The following ANKRD26 variants were observed in gnomAD, a reference collection of about 807,000 sequenced individuals.
The protein encoded by ANKRD26 is ankyrin repeat domain 26, also known as ankyrin repeat domain-containing protein 26.
Under a neutral mutation model 208.7 loss-of-function variants are expected in ANKRD26, and 141 were observed. The ratio of observed to expected loss-of-function variants is 0.68; its 90% CI spans 0.59 to 0.78. ANKRD26 has a LOEUF of 0.78. Among genes scored for constraint, ANKRD26 ranks in the 30% least tolerant of loss-of-function variants. The pLI is 0.00. For missense variants in ANKRD26, 1,889 were observed against 1,938.7 expected (o/e 0.97, Z 0.48); for synonymous variants, 636 against 660.4 (o/e 0.96, Z 0.57).
the ANKRD26 span, among the ~76,000 whole-genome samples, chr10:26,950,991 C>CTTTTCTT: frequency 4.9e-5 from 6 of 121,718 alleles, no homozygotes; most frequent in East Asian, 1.9e-3. Flanking sequence ...TGTATTATCC[C>CTTTTCTT]TTTTCTTTTT....
intron 29 of ANKRD26, among the ~76,000 whole-genome samples, chr10:27,021,595 G>A (rs1160212384): frequency 6.6e-6 from 1 of 152,178 alleles, no homozygotes; most frequent in Non-Finnish European, 1.5e-5. Flanking sequence ...CTTCTTATGA[G>A]AAATGTCTGT....
rs759766955 is a variant in ANKRD26, at chr10:27,035,058, GA to G, written c.3391del (p.Ser1131LeufsTer2). 2 of 1,613,430 alleles carry G rather than the reference GA, an allele frequency of 1.2e-6. No individual in the cohort carries two copies. The highest frequency in any genetic ancestry group is 2.7e-5 in the African/African-American group (2 of 74,868). On this transcript the variant is annotated frameshift_variant, in exon 24 of 34. Transcript: ENST00000376087. LOFTEE classifies it high-confidence loss of function. ...KVNKYIGKQE[S>X]VEERLSQLQS... ...TAGTTGAGACAATCTCTCCTCTACA[GA>G]CTCCTGCTTTCCAATGTATTTATTC...
At chr10:27,025,594 A>G (rs1475877616) in intron 27 of ANKRD26, among the ~76,000 whole-genome samples, 1 of 152,134 alleles carries the variant, frequency 6.6e-6, no homozygotes, top group African/African-American at 2.4e-5. Context: ...AAAGTCATCA[A>G]GGCCCTATTT....
At position 27,048,846 on chromosome 10, in the gene ANKRD26, G is replaced by C; in HGVS notation, c.1769C>G (p.Thr590Ser). 6.2e-7 allele frequency: 1 copy of C among 1,613,042 alleles called. No homozygotes were observed. Among genetic ancestry groups the C allele is most frequent in the Non-Finnish European group, 8.5e-7 (1 of 1,179,612 alleles). ...GLIQKRKSGETDHQQFPRKEN... is the reference protein window; with the variant it reads ...GLIQKRKSGESDHQQFPRKEN... ...CTTCCTGGGAAATTGCTGATGATCA[G>C]TTTCTCCACTCTTTCTTTTTTGAAT... Residue 590 changes from threonine (T) to serine (S), a missense_variant, in exon 17 of 34, where the codon ACT becomes AGT. This residue lies in a region of ANKRD26 where 1,272 missense variants were observed against 1,273.8 expected (regional missense o/e 1.00). Transcript: ENST00000376087.
chr10:26,992,201 T>C (rs1053372071), intron 5 of ANKRD26, among the ~76,000 whole-genome samples: 1 of 152,196 alleles, frequency 6.6e-6, no homozygotes, highest in Non-Finnish European at 1.5e-5. Context: ...TTCTTCGCTT[T>C]ATTTTTCTTT....
chr10:27,006,223 A>ACTTCAGGCAG (rs1240353563), intron 33 of ANKRD26, among the ~76,000 whole-genome samples: 1 of 152,236 alleles, frequency 6.6e-6, no homozygotes, highest in Non-Finnish European at 1.5e-5. Context: ...AACATATGCC[A>ACTTCAGGCAG]GACGGAAGGA....
At chr10:27,076,013 TTAA>T (rs750316707) in intron 9 of ANKRD26, among the ~76,000 whole-genome samples, 3 of 152,116 alleles carry the variant, frequency 2.0e-5, no homozygotes, top group Non-Finnish European at 4.4e-5. Context: ...GATTTCGGAG[TTAA>T]TAATAAAATC....
chr10:27,065,859 C>CTTTTTT lies in ANKRD26; in HGVS notation c.1269+622_1269+627dup, dbSNP rs767106612. ...ATAGGCTAACCTGAAATAATTCTTT[C>CTTTTTT]TTTTTTTTTTTTTTTTTTTTTTTTT... On this transcript the variant is annotated intron_variant, in intron 11 of 33. Coordinates refer to ENST00000376087, the MANE Select transcript of ANKRD26 (RefSeq NM_014915.3). Among the ~76,000 whole-genome samples the CTTTTTT allele has an allele frequency of 1.4e-3, 103 of 72,954 alleles. 1 individual carries two copies. The highest frequency in any genetic ancestry group is 2.5e-3 in the African/African-American group (50 of 19,772). 47.9% of individuals were successfully genotyped at this position (72,954 alleles called of 152,430 possible).
chr10:27,086,541 G>T lies in ANKRD26; in HGVS notation c.707C>A (p.Ser236Ter), dbSNP rs1320999528. The change falls in exon 5 of 34, where the codon TCA becomes TAA. Residue 236 changes from serine (S) to a stop codon, truncating the protein, a stop_gained and splice_region_variant. Coordinates refer to ENST00000376087, the MANE Select transcript of ANKRD26 (RefSeq NM_014915.3). LOFTEE classifies it high-confidence loss of function. Reference sequence around the variant, plus strand: ...AAATTCACTATTGGAAGTCTTACCTGAATTACTATTTTGAGAAGAATGTTT... The same window carrying T: ...AAATTCACTATTGGAAGTCTTACCTTAATTACTATTTTGAGAAGAATGTTT... ...IPKHSSQNSN[S>*]VDESSEDSLS... The T allele has an allele frequency of 6.2e-7, 1 of 1,605,414 alleles. No homozygotes were observed. The highest frequency in any genetic ancestry group is 1.3e-5 in the African/African-American group (1 of 74,704).
rs370413541 is a variant in ANKRD26 at position 27,048,825 on chromosome 10, C to T, written c.1790G>A (p.Arg597Lys). 6.2e-7 allele frequency: 1 copy of T among 1,612,982 alleles called. No homozygotes were observed. The highest frequency in any genetic ancestry group is 1.7e-5 in the Admixed American group (1 of 59,952). ...SGETDHQQFP[R>K]KENKEYASSG... ...CCTAGCATACTCTTTATTTTCCTTCCTGGGAAATTGCTGATGATCAGTTTC... is the reference window on the plus strand; with the variant it reads ...CCTAGCATACTCTTTATTTTCCTTCTTGGGAAATTGCTGATGATCAGTTTC... The change falls in exon 17 of 34, where the codon AGG becomes AAG. Residue 597 changes from arginine (R) to lysine (K), a missense_variant. Physicochemically the swap from Arg to Lys is conservative, Grantham distance 26. Coordinates refer to ENST00000376087, the MANE Select transcript of ANKRD26 (RefSeq NM_014915.3).
chr10:27,071,894 G>A (rs2135535751), intron 9 of ANKRD26, among the ~76,000 whole-genome samples: 1 of 152,284 alleles, frequency 6.6e-6, no homozygotes, highest in East Asian at 1.9e-4. Context: ...TACATTGCAT[G>A]CATTCCCTGA....
At chr10:27,060,734 G>A (rs1163704198) in intron 13 of ANKRD26, among the ~76,000 whole-genome samples, 194 bp from the exon 14 acceptor site, 1 of 152,108 alleles carries the variant, frequency 6.6e-6, no homozygotes, top group Non-Finnish European at 1.5e-5. Context: ...CAGGAATATA[G>A]GTTTAATAAA....
At chr10:26,951,284 T>TCAC in the ANKRD26 span, among the ~76,000 whole-genome samples, 2 of 152,266 alleles carry the variant, frequency 1.3e-5, no homozygotes, top group South Asian at 4.1e-4. Context: ...AAGTTTGTAC[T>TCAC]TTGTGTAATC....
intron 4 of ANKRD26, among the ~76,000 whole-genome samples, chr10:26,996,491 C>T (rs2052595925): frequency 9.2e-5 from 14 of 152,182 alleles, no homozygotes; most frequent in Admixed American, 9.2e-4. Context: ...ACCACGGAGT[C>T]AGAGGTTGCA....
At chr10:26,960,382 G>A in the ANKRD26 span, among the ~76,000 whole-genome samples, 3 of 152,084 alleles carry the variant, frequency 2.0e-5, no homozygotes, top group Non-Finnish European at 2.9e-5. Flanking sequence ...AAAAATAGAC[G>A]GCCCCAGCTG....
Position 27,028,831 on chromosome 10 carries a change from GA to G in ANKRD26, c.3972+20del, listed in dbSNP as rs1350207766. 1.9e-6 allele frequency: 3 copies of G among 1,591,132 alleles called. No individual in the cohort carries two copies. The highest frequency in any genetic ancestry group is 2.6e-6 in the Non-Finnish European group (3 of 1,159,854). On this transcript the variant is annotated intron_variant, in intron 27 of 33. Transcript: ENST00000376087. The stretch of plus-strand genomic sequence containing the variant: ...AATAAAATTCCTTTTCAGTACGACA[GA>G]AATTAAGTGGCTGACTTACCAAATT...
intron 25 of ANKRD26, 48 bp downstream of exon 25, chr10:27,033,177 T>G: frequency 6.7e-7 from 1 of 1,484,194 alleles, no homozygotes; most frequent in Non-Finnish European, 9.3e-7. Context: ...CACTATATAT[T>G]TAACCAGTTA....
At chr10:26,986,846 T>C (rs1206751305) in intron 3 of ANKRD26, among the ~76,000 whole-genome samples, 1 of 152,242 alleles carries the variant, frequency 6.6e-6, no homozygotes, top group Non-Finnish European at 1.5e-5. Flanking sequence ...TGTAAACTAG[T>C]TCAACCATTG....
chr10:27,017,728 T>G lies in ANKRD26; in HGVS notation c.4280A>C (p.Asn1427Thr). 7 of 1,613,136 alleles carry G rather than the reference T, an allele frequency of 4.3e-6. No individual in the cohort carries two copies. Among genetic ancestry groups the G allele is most frequent in the Non-Finnish European group, 5.9e-6 (7 of 1,179,802 alleles). The change falls in exon 30 of 34, where the codon AAC becomes ACC. Residue 1427 changes from asparagine to threonine, a missense_variant. By Grantham distance (65) the Asn-to-Thr change is moderately conservative. Around this residue, in one of 3 missense-constraint regions of ANKRD26, gnomAD observed 613 missense variants for 648.2 expected, o/e 0.95. Transcript: ENST00000376087. The part of the protein sequence containing the change: ...GSKCLHLDTK[N>T]QILQEELLSM... The stretch of plus-strand genomic sequence containing the variant: ...TAACAACTCCTCTTGAAGAATTTGG[T>G]TCTTTGTATCCAGATGTAGACATTT...
Sources: allele counts gnomAD v4.1 joint callset (sites outside exome capture counted in the v4.1 genomes callset), GRCh38; gene constraint gnomAD v4.1.1; regional missense constraint gnomAD v4.1.1; transcripts MANE v1.5; gene names NCBI Gene and HGNC (gene_info 2026-07-23, HGNC 2026-07-21).